The following USB1 variants were observed in gnomAD, a reference collection of about 807,000 sequenced individuals.
USB1 encodes U6 snRNA phosphodiesterase 1.
A neutral mutation model predicts 29.9 loss-of-function variants in USB1; 21 were observed. That is an observed-to-expected ratio of 0.70 (90% CI 0.50 to 1.01). The LOEUF is 1.01. USB1 is among the 50% of genes least tolerant of loss of function. USB1 has a pLI of 0.00. For missense variants in USB1, 330 were observed against 347.1 expected, an observed-to-expected ratio of 0.95 and a Z score of 0.39; for synonymous variants, 143 against 134.9, an observed-to-expected ratio of 1.06 and a Z score of -0.42.
At chr16:58,008,218 T>C (rs890021188) in intron 2 of USB1, among the ~76,000 whole-genome samples, 1 of 151,790 alleles carries the variant, frequency 6.6e-6, no homozygotes, top group African/African-American at 2.4e-5. Flanking sequence ...TTGTGTGCCC[T>C]CTCTATTTTT....
chr16:58,018,304 G>C (rs866183110), intron 5 of USB1, among the ~76,000 whole-genome samples: 2 of 146,986 alleles, frequency 1.4e-5, no homozygotes, highest in Non-Finnish European at 1.5e-5. Flanking sequence ...TCAGCTCCCT[G>C]CAACCTCCGC....
chr16:58,001,732 T>C (rs1597041244), intron 1 of USB1, 151 bp downstream of exon 1: 2 of 970,636 alleles, frequency 2.1e-6, no homozygotes, highest in African/African-American at 1.6e-5. Flanking sequence ...ATCCAGAAGA[T>C]ATACCCCTCC....
chr16:58,021,204 C>T lies in USB1; in HGVS notation c.*959C>T, dbSNP rs1963732915. On this transcript the variant is annotated 3_prime_UTR_variant, in exon 7 of 7. Coordinates refer to ENST00000219281, the MANE Select transcript of USB1 (RefSeq NM_024598.4). ...TCAAAGCCAAGGTACAGGGTGATAA[C>T]TTGTGGTCCAGCATCAGTTTTCTCC... 6.6e-6 allele frequency: 1 copy of T among 152,268 alleles called. No individual in the cohort carries two copies. The allele number at this position is 152,268 out of a possible 1,614,324, so 9.4% of individuals were successfully genotyped here.
upstream of USB1, chr16:57,999,630 GA>G (rs1187818158): frequency 1.3e-5 from 2 of 152,260 alleles, no homozygotes; most frequent in African/African-American, 4.8e-5. Flanking sequence ...GAGGAAGAAG[GA>G]AGGAGAAGCC....
chr16:58,012,158 C>T (rs1288159028), intron 3 of USB1: 6 of 1,427,144 alleles, frequency 4.2e-6, no homozygotes, highest in Non-Finnish European at 5.5e-6. Context: ...TTAGCTGAAC[C>T]CCTTCTGAGG....
chr16:58,004,990 G>A (rs948306811), intron 2 of USB1, among the ~76,000 whole-genome samples: 3 of 152,230 alleles, frequency 2.0e-5, no homozygotes, highest in South Asian at 2.1e-4. Flanking sequence ...ACAAGGTTAC[G>A]TGAGTCACGC....
intron 4 of USB1, chr16:58,015,858 C>G (rs977749270): frequency 6.6e-6 from 1 of 152,206 alleles, no homozygotes; most frequent in Non-Finnish European, 1.5e-5. Context: ...AGGCAGACCC[C>G]AGAAAGCACG....
intron 3 of USB1, chr16:58,011,765 G>T: frequency 1.0e-6 from 1 of 987,286 alleles, no homozygotes; most frequent in Non-Finnish European, 1.2e-6. Flanking sequence ...TTCCTTCCTG[G>T]AGCCCACATT....
chr16:58,011,721 C>T, intron 3 of USB1: 2 of 987,720 alleles, frequency 2.0e-6, no homozygotes, highest in Non-Finnish European at 2.4e-6. Context: ...GGTCATTTCA[C>T]TCACCCTCAT....
chr16:58,011,804 T>C lies in USB1; in HGVS notation c.449+1692T>C, dbSNP rs980229582. The C allele has an allele frequency of 1.1e-5, 11 of 988,148 alleles. No homozygotes were observed. In the Admixed American group the frequency reaches 6.6e-4, roughly 59 times the overall value. 61.2% of individuals were successfully genotyped at this position (988,148 alleles called of 1,614,324 possible). On this transcript the variant is annotated intron_variant, in intron 3 of 6. Coordinates refer to ENST00000219281, the MANE Select transcript of USB1 (RefSeq NM_024598.4). ...CCAGGCCAGGACTGTGGCTTCTCTC[T>C]GAATTGCCCCACAGCTTTTTTCCAA...
chr16:58,020,087 G>A lies in USB1; in HGVS notation c.694-54G>A, dbSNP rs1597056656. 3.2e-6 allele frequency: 5 copies of A among 1,583,570 alleles called. No individual in the cohort carries two copies. In the East Asian group the frequency reaches 1.1e-4, roughly 35 times the overall value. Reference sequence around the variant, plus strand: ...GAGCTGGTTTTGTTTGCAGTGCCCTGTGGGTCCCAGATGCCCCTTAATGTG... The same window carrying A: ...GAGCTGGTTTTGTTTGCAGTGCCCTATGGGTCCCAGATGCCCCTTAATGTG... On this transcript the variant is annotated intron_variant, in intron 6 of 6. Transcript: ENST00000219281.
upstream of USB1, chr16:57,999,938 T>A (rs1963122349): frequency 6.6e-6 from 1 of 152,546 alleles, no homozygotes; most frequent in Admixed American, 6.5e-5. Flanking sequence ...CAGCACCCCC[T>A]GCCCACCCTG....
chr16:58,021,278 C>T lies in USB1; in HGVS notation c.*1033C>T, dbSNP rs978747859. 6.6e-6 allele frequency: 1 copy of T among 152,272 alleles called. No individual in the cohort carries two copies. The highest frequency in any genetic ancestry group is 6.5e-5 in the Admixed American group (1 of 15,286). 9.4% of individuals were successfully genotyped at this position (152,272 alleles called of 1,614,324 possible). On this transcript the variant is annotated 3_prime_UTR_variant, in exon 7 of 7. Transcript: ENST00000219281. ...AGCAAGGTGCCTGGGGAGACTTGAG[C>T]AGATGTTTCATTTTGGCCTGGCCAG...
rs1489891449 is a variant in USB1 at position 58,017,236 on chromosome 16, C to G, written c.504-98C>G. On this transcript the variant is annotated intron_variant, in intron 4 of 6. Transcript: ENST00000219281. ...CAGGGAGACGGTGAGACCCACGGCC[C>G]AGGCCTCTTGGCCTTCTGCCTGGCT... 4.6e-6 allele frequency: 5 copies of G among 1,080,758 alleles called. No individual in the cohort carries two copies. The African/African-American group carries it at 4.6e-5, about 10-fold the overall frequency. The allele number at this position is 1,080,758 out of a possible 1,614,324, so 66.9% of individuals were successfully genotyped here.
chr16:58,010,743 A>C, intron 3 of USB1: 15 of 458,228 alleles, frequency 3.3e-5, no homozygotes, highest in Middle Eastern at 6.0e-4. Flanking sequence ...AGCCAGATGA[A>C]GAGATAGGTA....
chr16:58,014,015 C>T (rs748222117), intron 3 of USB1: 61 of 458,196 alleles, frequency 1.3e-4, no homozygotes, highest in African/African-American at 9.0e-4. Flanking sequence ...AATTGTTTAT[C>T]GAAATGAACT....
At chr16:58,006,170 T>G (rs148501720) in intron 2 of USB1, among the ~76,000 whole-genome samples, 1 of 151,482 alleles carries the variant, frequency 6.6e-6, no homozygotes, top group Admixed American at 6.6e-5. Flanking sequence ...CTGACCAACA[T>G]GGAGAAACCC....
chr16:58,011,954 C>G, intron 3 of USB1: 1 of 1,057,550 alleles, frequency 9.5e-7, no homozygotes, highest in Non-Finnish European at 1.1e-6. Flanking sequence ...AGAAGCCACC[C>G]GGCTGATGGT....
intron 6 of USB1, 49 bp downstream of exon 6, chr16:58,019,104 C>A (rs376682380): frequency 1.3e-6 from 2 of 1,585,360 alleles, no homozygotes; most frequent in Non-Finnish European, 1.7e-6. Flanking sequence ...CCAGAAATGA[C>A]AGGACAGATG....
Sources: gnomAD v4.1 joint callset for allele counts (sites outside exome capture counted in the v4.1 genomes callset) on GRCh38, gnomAD v4.1.1 for gene constraint, MANE v1.5 for transcripts, NCBI Gene and HGNC (gene_info 2026-07-23, HGNC 2026-07-21) for gene names.